CD2AP: variants seen among roughly 807,000 people sequenced by gnomAD.
The protein encoded by CD2AP is CD2 associated protein, also known as CD2-associated protein.
CD2AP carries 46 observed loss-of-function variants against 85.1 expected under a neutral mutation model. The ratio of observed to expected loss-of-function variants is 0.54; its 90% CI spans 0.43 to 0.69. The LOEUF is 0.69. Among genes scored for constraint, CD2AP ranks in the 30% least tolerant of loss-of-function variants. CD2AP has a pLI of 0.00. For synonymous variants in CD2AP, 255 were observed against 252.9 expected (o/e 1.01, Z -0.08); for missense variants, 769 against 729.5 (o/e 1.05, Z -0.62).
intron 5 of CD2AP, among the ~76,000 whole-genome samples, chr6:47,564,038 A>G (rs557912236): frequency 2.0e-5 from 3 of 152,334 alleles, no homozygotes; most frequent in South Asian, 2.1e-4. Context: ...AGAAGGAATC[A>G]TACCAACTAG....
At chr6:47,593,931 T>C (rs1480987044) in intron 11 of CD2AP, among the ~76,000 whole-genome samples, 1 of 152,070 alleles carries the variant, frequency 6.6e-6, no homozygotes, top group African/African-American at 2.4e-5. Flanking sequence ...TATGTGTGTG[T>C]GTATGTTTAA....
chr6:47,553,389 C>G (rs1371163695), intron 4 of CD2AP, among the ~76,000 whole-genome samples: 1 of 151,132 alleles, frequency 6.6e-6, no homozygotes, highest in Non-Finnish European at 1.5e-5. Flanking sequence ...CTATGTTGCC[C>G]AGGATGGAGA....
At chr6:47,486,326 T>G (rs1765563371) in intron 1 of CD2AP, among the ~76,000 whole-genome samples, 1 of 152,158 alleles carries the variant, frequency 6.6e-6, no homozygotes. Flanking sequence ...TCCCTCCAGT[T>G]TTTGATGAAT....
chr6:47,554,282 A>G (rs893225066), intron 4 of CD2AP, among the ~76,000 whole-genome samples: 1 of 152,216 alleles, frequency 6.6e-6, no homozygotes, highest in Non-Finnish European at 1.5e-5. Context: ...AATAATATAC[A>G]AATCAAGCCT....
intron 1 of CD2AP, 49 bp downstream of exon 1, chr6:47,478,297 G>C: frequency 1.9e-6 from 3 of 1,561,154 alleles, no homozygotes; most frequent in Non-Finnish European, 2.6e-6. Flanking sequence ...TTCCAGACCC[G>C]GGGAGGCTGT....
In CD2AP at chr6:47,608,011, A is replaced by G. The variant is rs1205835288; in HGVS notation, c.1615A>G (p.Thr539Ala). The change falls in exon 15 of 18, where the codon ACA becomes GCA. Residue 539 changes from threonine to alanine, a missense_variant. Transcript: ENST00000359314. ...NLKPSELKKD[T>A]CYSPKPSVYL... ...GAAGCCATCTGAATTAAAAAAAGAT[A>G]CATGCTACTCTCCAAAGGTGAGGTG... 1 of 1,611,336 alleles carries G rather than the reference A, an allele frequency of 6.2e-7. No homozygotes were observed. Among genetic ancestry groups the G allele is most frequent in the African/African-American group, 1.3e-5 (1 of 74,932 alleles).
At chr6:47,605,407 A>C (rs906405671) in intron 13 of CD2AP, among the ~76,000 whole-genome samples, 20 of 152,042 alleles carry the variant, frequency 1.3e-4, no homozygotes, top group African/African-American at 4.8e-4. Flanking sequence ...ATTGTTGTAG[A>C]GTAGATTTGT....
intron 2 of CD2AP, among the ~76,000 whole-genome samples, chr6:47,507,853 G>C (rs1306001256): frequency 1.3e-5 from 2 of 152,298 alleles, no homozygotes; most frequent in South Asian, 4.1e-4. Context: ...TCATCTTCTT[G>C]TACATTTCCA....
intron 2 of CD2AP, among the ~76,000 whole-genome samples, chr6:47,522,569 A>C (rs747796269): frequency 3.3e-5 from 5 of 152,180 alleles, no homozygotes; most frequent in Non-Finnish European, 7.4e-5. Context: ...GAGTTTCTTG[A>C]CCTTGATATA....
At chr6:47,553,943 G>A (rs548012942) in intron 4 of CD2AP, among the ~76,000 whole-genome samples, 225 of 152,076 alleles carry the variant, frequency 1.5e-3, no homozygotes, top group African/African-American at 5.2e-3. Context: ...GTGCCATTTA[G>A]GAAGTTATGT....
intron 14 of CD2AP, among the ~76,000 whole-genome samples, chr6:47,607,133 A>T (rs1769298259): frequency 7.8e-6 from 1 of 128,240 alleles, no homozygotes; most frequent in African/African-American, 2.5e-5. Flanking sequence ...AAATGACAGG[A>T]TCTCATTCTT....
In CD2AP at chr6:47,625,331, T is replaced by C. The variant is rs1011610961; in HGVS notation, c.*1104T>C. On this transcript the variant is annotated 3_prime_UTR_variant, in exon 18 of 18. Transcript: ENST00000359314. ...ACCAAACTAACTCATGGAGATATTT[T>C]GAACTATTATTTAGGTACAAACTTT... The C allele has an allele frequency of 6.6e-6, 1 of 151,956 alleles. No homozygotes were observed. Among genetic ancestry groups the C allele is most frequent in the Non-Finnish European group, 1.5e-5 (1 of 67,822 alleles). The allele number at this position is 151,956 out of a possible 1,614,324, so 9.4% of individuals were successfully genotyped here. A position where few individuals can be genotyped will look rare whatever the true frequency, so the allele number is the denominator to read the frequency against.
intron 1 of CD2AP, among the ~76,000 whole-genome samples, chr6:47,481,946 A>T (rs939011469): frequency 6.6e-6 from 1 of 151,830 alleles, no homozygotes; most frequent in East Asian, 1.9e-4. Context: ...TTTTTTGTAG[A>T]TACAGGCTCT....
rs561201853 is a variant in CD2AP, at chr6:47,549,676, C to A, written c.420+4970C>A. Among the ~76,000 whole-genome samples the A allele has an allele frequency of 4.3e-4, 65 of 152,076 alleles. No homozygotes were observed. In the South Asian group the frequency reaches 0.013, roughly 30 times the overall value. ...AGATTCAACAGAATTCCTATACATA[C>A]CACCATCATTCTTCACAGAATTAGA... On this transcript the variant is annotated intron_variant, in intron 4 of 17. Coordinates refer to ENST00000359314, the MANE Select transcript of CD2AP (RefSeq NM_012120.3).
intron 5 of CD2AP, among the ~76,000 whole-genome samples, chr6:47,560,320 T>C (rs1767821410): frequency 6.6e-6 from 1 of 152,188 alleles, no homozygotes; most frequent in Non-Finnish European, 1.5e-5. Flanking sequence ...ATCAAGACAT[T>C]TAATATTGAT....
At chr6:47,570,356 C>T (rs1017503617) in intron 5 of CD2AP, among the ~76,000 whole-genome samples, 8 of 152,092 alleles carry the variant, frequency 5.3e-5, no homozygotes, top group Admixed American at 3.9e-4. Flanking sequence ...CTGATAGCAA[C>T]ATACATAAAA....
At chr6:47,518,415 G>T (rs549916987) in intron 2 of CD2AP, among the ~76,000 whole-genome samples, 29 of 152,204 alleles carry the variant, frequency 1.9e-4, no homozygotes, top group Non-Finnish European at 3.4e-4. Context: ...TATGCTTTTT[G>T]TCATTCTAGA....
chr6:47,595,591 A>T (rs1768918351), intron 11 of CD2AP, among the ~76,000 whole-genome samples: 2 of 152,082 alleles, frequency 1.3e-5, no homozygotes, highest in African/African-American at 4.8e-5. Flanking sequence ...CTTCCTGGGA[A>T]CATAATAAAA....
At chr6:47,577,877 C>T (rs892751621) in intron 8 of CD2AP, among the ~76,000 whole-genome samples, 1 of 151,948 alleles carries the variant, frequency 6.6e-6, no homozygotes, top group Non-Finnish European at 1.5e-5. Flanking sequence ...CACACCTGGC[C>T]CCATTGTTTT....
Sources: gnomAD v4.1 joint callset for allele counts (sites outside exome capture counted in the v4.1 genomes callset) on GRCh38, gnomAD v4.1.1 for gene constraint, MANE v1.5 for transcripts, NCBI Gene and HGNC (gene_info 2026-07-23, HGNC 2026-07-21) for gene names.